The following PCDH15 variants were observed in gnomAD, a reference collection of about 807,000 sequenced individuals.
PCDH15 encodes protocadherin related 15, also known as protocadherin-15.
PCDH15 carries 129 observed loss-of-function variants against 178.5 expected under a neutral mutation model. That is an observed-to-expected ratio of 0.72 (90% confidence interval 0.63 to 0.84). The LOEUF (loss-of-function observed/expected upper bound fraction) is 0.84, where lower values mean the gene tolerates loss of function less well. Ranked by LOEUF, PCDH15 falls within the 40% of genes least tolerant of loss-of-function variation. The pLI is 0.00. For missense variants in PCDH15, 2,230 were observed against 2,099.9 expected (o/e 1.06, Z -1.21); for synonymous variants, 800 against 732.0 (o/e 1.09, Z -1.50).
At chr10:53,812,647 A>T (rs2132402755) in intron 35 of PCDH15, among the ~76,000 whole-genome samples, 1 of 152,284 alleles carries the variant, frequency 6.6e-6, no homozygotes, top group Non-Finnish European at 1.5e-5. Context: ...TTTTCTTGAG[A>T]TATACATGTG....
chr10:54,606,191 A>T (rs886887521), intron 2 of PCDH15: 1 of 152,196 alleles, frequency 6.6e-6, no homozygotes, highest in South Asian at 2.1e-4. Flanking sequence ...TGTTGTAGCT[A>T]GTTGGTGAAT....
upstream of PCDH15, among the ~76,000 whole-genome samples, chr10:54,805,911 A>T (rs775916571): frequency 6.6e-6 from 1 of 152,174 alleles, no homozygotes; most frequent in African/African-American, 2.4e-5. Context: ...TAGAGCAAGA[A>T]ACTTATTTCT....
intron 3 of PCDH15, among the ~76,000 whole-genome samples, chr10:54,517,054 A>C (rs920491721): frequency 1.3e-5 from 2 of 152,176 alleles, no homozygotes; most frequent in African/African-American, 4.8e-5. Flanking sequence ...AGAGCTCCTG[A>C]AGGAAGCACT....
intron 2 of PCDH15, among the ~76,000 whole-genome samples, chr10:54,537,208 C>T (rs12251233): frequency 1.9e-3 from 292 of 151,988 alleles, no homozygotes; most frequent in African/African-American, 6.8e-3. Context: ...ACCGTGTTAG[C>T]CAGGATGGTC....
In PCDH15 at chr10:53,959,687, G is replaced by A. The variant is rs770185325; in HGVS notation, c.3122+45C>T. The A allele has an allele frequency of 2.1e-6, 3 of 1,426,906 alleles. No individual in the cohort carries two copies. The South Asian group carries it at 3.5e-5, about 17-fold the overall frequency. The allele number at this position is 1,426,906 out of a possible 1,614,324, so 88.4% of individuals were successfully genotyped here. A position where few individuals can be genotyped will look rare whatever the true frequency, so the allele number is the denominator to read the frequency against. On this transcript the variant is annotated intron_variant, in intron 23 of 37. Coordinates refer to ENST00000644397, the MANE Select transcript of PCDH15 (RefSeq NM_001384140.1). ...ATTTTGAGAGACTCCTTTCAAAAAT[G>A]CCCTAAACATTTCGTGTATTTCAAA...
At chr10:55,389,819 A>C (rs977549471) in intron 2 of PCDH15, among the ~76,000 whole-genome samples, 1 of 152,290 alleles carries the variant, frequency 6.6e-6, no homozygotes, top group Middle Eastern at 3.4e-3. Context: ...TAAATACCAA[A>C]AAATGCCATA....
At chr10:54,958,703 A>C (rs1370672305) in intron 2 of PCDH15, among the ~76,000 whole-genome samples, 1 of 151,772 alleles carries the variant, frequency 6.6e-6, no homozygotes, top group Non-Finnish European at 1.5e-5. Context: ...CTAGGAAAGA[A>C]TAAAGCCAAC....
At chr10:54,166,010 G>T (rs1400551589) in intron 13 of PCDH15, among the ~76,000 whole-genome samples, 1 of 152,174 alleles carries the variant, frequency 6.6e-6, no homozygotes, top group Non-Finnish European at 1.5e-5. Context: ...CAAAGGGGCT[G>T]GGAGAATAAA....
intron 18 of PCDH15, among the ~76,000 whole-genome samples, chr10:54,041,500 T>C (rs2093543811): frequency 6.6e-6 from 1 of 152,064 alleles, no homozygotes; most frequent in Admixed American, 6.6e-5. Context: ...AAAAAATAAT[T>C]GCCTTTTAAA....
intron 21 of PCDH15, among the ~76,000 whole-genome samples, chr10:53,973,040 C>T (rs1162844140): frequency 6.6e-6 from 1 of 152,028 alleles, no homozygotes; most frequent in Admixed American, 6.5e-5. Flanking sequence ...TTGAACAAAC[C>T]CAAATGTCCA....
chr10:55,179,167 G>A (rs1023265665), intron 1 of PCDH15, among the ~76,000 whole-genome samples: 1 of 151,914 alleles, frequency 6.6e-6, no homozygotes, highest in African/African-American at 2.4e-5. Flanking sequence ...CCTTTTTACT[G>A]GGGACCCTTA....
chr10:53,855,092 A>G (rs7894926), intron 28 of PCDH15, among the ~76,000 whole-genome samples: 67,293 of 151,900 alleles, frequency 0.44, 19,230 homozygotes, highest in East Asian at 0.99. Flanking sequence ...CTTGTAAAAC[A>G]TCCTTTCAAT....
At chr10:53,995,033 T>C (rs2091758004) in intron 21 of PCDH15, 1 of 152,014 alleles carries the variant, frequency 6.6e-6, no homozygotes, top group South Asian at 2.1e-4. Flanking sequence ...ATAATTAATA[T>C]TTATAAAACA....
intron 3 of PCDH15, among the ~76,000 whole-genome samples, chr10:54,514,284 T>A (rs918203238): frequency 6.6e-5 from 10 of 152,224 alleles, no homozygotes; most frequent in Non-Finnish European, 1.3e-4. Context: ...AAAGAAAACA[T>A]ATATATAATT....
chr10:54,264,155 T>C (rs1457876635), intron 8 of PCDH15, among the ~76,000 whole-genome samples: 5 of 152,126 alleles, frequency 3.3e-5, no homozygotes, highest in African/African-American at 1.2e-4. Flanking sequence ...AGATGGCCTA[T>C]TGTGGGACTT....
intron 1 of PCDH15, among the ~76,000 whole-genome samples, chr10:55,289,757 T>A (rs1367269563): frequency 2.0e-5 from 3 of 152,086 alleles, no homozygotes; most frequent in African/African-American, 2.4e-5. Context: ...TTAATCACTA[T>A]TGTAACAATA....
chr10:55,065,614 C>G (rs1841545501), intron 2 of PCDH15, among the ~76,000 whole-genome samples: 1 of 151,986 alleles, frequency 6.6e-6, no homozygotes, highest in African/African-American at 2.4e-5. Flanking sequence ...TTACCAATGC[C>G]CTTCTGCCCA....
intron 2 of PCDH15, among the ~76,000 whole-genome samples, chr10:55,331,992 C>A (rs1211104291): frequency 6.6e-6 from 1 of 152,092 alleles, no homozygotes; most frequent in Non-Finnish European, 1.5e-5. Flanking sequence ...TACATCAAAA[C>A]TGGCTGCCAT....
chr10:54,824,415 C>G (rs1953093997), intron 3 of PCDH15, among the ~76,000 whole-genome samples: 1 of 152,136 alleles, frequency 6.6e-6, no homozygotes, highest in Non-Finnish European at 1.5e-5. Context: ...GATGGCTACT[C>G]TGGTTAGACT....
Sources: gnomAD v4.1 joint callset for allele counts (sites outside exome capture counted in the v4.1 genomes callset) on GRCh38, gnomAD v4.1.1 for gene constraint, MANE v1.5 for transcripts, NCBI Gene and HGNC (gene_info 2026-07-23, HGNC 2026-07-21) for gene names.